Variants in PRKDC observed in about 807,000 individuals in gnomAD.
PRKDC encodes protein kinase, DNA-activated, catalytic subunit.
A neutral mutation model predicts 486.9 loss-of-function variants in PRKDC; 82 were observed. The observed-to-expected ratio is 0.17, with a 90% CI of 0.14 to 0.20. The LOEUF is 0.20. Ranked by LOEUF, PRKDC falls within the 10% of genes least tolerant of loss-of-function variation. The pLI, the probability that PRKDC is intolerant of heterozygous loss-of-function variation, is 1.00. For missense variants in PRKDC, 4,504 were observed against 5,038.2 expected, an observed-to-expected ratio of 0.89 and a Z score of 3.21; for synonymous variants, 1,895 against 1,837.0, an observed-to-expected ratio of 1.03 and a Z score of -0.81.
chr8:47,879,429 A>C, intron 39 of PRKDC, 62 bp downstream of exon 39: 1 of 1,414,360 alleles, frequency 7.1e-7, no homozygotes, highest in East Asian at 2.6e-5. Context: ...CTTTTCATCA[A>C]GATATGTAAC....
chr8:47,865,280 G>T (rs2088782014), intron 40 of PRKDC, among the ~76,000 whole-genome samples: 1 of 152,062 alleles, frequency 6.6e-6, no homozygotes, highest in Admixed American at 6.5e-5. Flanking sequence ...CAGCTACTCT[G>T]GAGGCTGAGG....
intron 65 of PRKDC, among the ~76,000 whole-genome samples, 164 bp downstream of exon 65, chr8:47,821,440 A>T (rs1465819669): frequency 6.6e-6 from 1 of 152,254 alleles, no homozygotes; most frequent in Non-Finnish European, 1.5e-5. Context: ...TAAAAGTGAT[A>T]AGAGATTTAA....
rs377205091 is a variant in PRKDC, at chr8:47,799,233, C to T, written c.10274G>A (p.Arg3425His). The change falls in exon 72 of 86, where the codon CGC (arginine) becomes CAC (histidine). Residue 3425 changes from arginine to histidine, a missense_variant. Arg to His is a conservative substitution (Grantham distance 29). This residue lies in a region of PRKDC where 706 missense variants were observed against 945.0 expected (regional missense o/e 0.75). Transcript: ENST00000314191. ...ACCTGATGCATTCTCTTCCTCCTTG[C>T]GCAGCTGTTGGTCACAGAAATCTGC... ...TLADFCDQQLRKEEENASVID... is the reference protein window; with the variant it reads ...TLADFCDQQLHKEEENASVID... 11 of 1,613,898 alleles carry T rather than the reference C, an allele frequency of 6.8e-6. No homozygotes were observed. Among genetic ancestry groups the T allele is most frequent in the East Asian group, 4.5e-5 (2 of 44,894 alleles).
At chr8:47,809,758 T>A (rs2087290813) in intron 68 of PRKDC, among the ~76,000 whole-genome samples, 1 of 152,122 alleles carries the variant, frequency 6.6e-6, no homozygotes, top group Admixed American at 6.6e-5. Flanking sequence ...AAAATACAAC[T>A]CCCCAAGAAC....
At chr8:47,814,065 T>C (rs573144352) in intron 68 of PRKDC, among the ~76,000 whole-genome samples, 1 of 152,270 alleles carries the variant, frequency 6.6e-6, no homozygotes, top group South Asian at 2.1e-4. Flanking sequence ...GAATGCAAGA[T>C]TGGCTTCATA....
chr8:47,846,826 T>C (rs987405360), intron 54 of PRKDC, among the ~76,000 whole-genome samples: 6 of 152,170 alleles, frequency 3.9e-5, no homozygotes, highest in Non-Finnish European at 7.4e-5. Flanking sequence ...ACAAAATCAA[T>C]GTACAAAAAT....
Position 47,879,658 on chromosome 8 carries a change from C to T in PRKDC, c.5068G>A (p.Gly1690Ser), listed in dbSNP as rs751911092. Residue 1690 changes from glycine to serine, a missense_variant and splice_region_variant, in exon 39 of 86, where the codon GGC becomes AGC. By Grantham distance (56) the Gly-to-Ser change is moderately conservative (BLOSUM62 0). This residue lies in a region of PRKDC where 1,969 missense variants were observed against 2,068.9 expected (regional missense o/e 0.95). Coordinates refer to ENST00000314191, the MANE Select transcript of PRKDC (RefSeq NM_006904.7). ...AATGGAAGAAGAGTGACAGCTTGGC[C>T]CTGTGGAGCAAGACAGACATAAGAA... ...ADTKLDLHLKGQAVTLLPFFT... is the reference protein window; with the variant it reads ...ADTKLDLHLKSQAVTLLPFFT... The T allele has an allele frequency of 6.4e-7, 1 of 1,559,110 alleles. No individual in the cohort carries two copies.
intron 40 of PRKDC, among the ~76,000 whole-genome samples, chr8:47,876,896 A>G (rs938614723): frequency 3.3e-5 from 5 of 152,202 alleles, no homozygotes; most frequent in East Asian, 1.9e-4. Context: ...AACCATGAGG[A>G]AAATACAATC....
intron 49 of PRKDC, among the ~76,000 whole-genome samples, chr8:47,856,671 G>A (rs1039183948): frequency 6.6e-6 from 1 of 152,192 alleles, no homozygotes; most frequent in African/African-American, 2.4e-5. Context: ...GGTGGGTACT[G>A]CATTTGCCTC....
At chr8:47,952,710 A>G (rs544780223) in intron 7 of PRKDC, among the ~76,000 whole-genome samples, 108 of 152,092 alleles carry the variant, frequency 7.1e-4, no homozygotes, top group Non-Finnish European at 9.7e-4. Flanking sequence ...AGAAAAAAAA[A>G]GAATTAAAAA....
intron 4 of PRKDC, among the ~76,000 whole-genome samples, chr8:47,955,121 T>A (rs1339394238): frequency 6.6e-6 from 1 of 150,572 alleles, no homozygotes; most frequent in African/African-American, 2.5e-5. Flanking sequence ...GCCACTGCAC[T>A]CCAGCCTGAA....
chr8:47,917,751 T>C (rs1196639248), intron 22 of PRKDC, among the ~76,000 whole-genome samples: 2 of 152,198 alleles, frequency 1.3e-5, no homozygotes, highest in Non-Finnish European at 2.9e-5. Context: ...GTTTACCTTT[T>C]ATTATCCACT....
intron 60 of PRKDC, among the ~76,000 whole-genome samples, chr8:47,831,242 C>T (rs2087864579): frequency 6.6e-6 from 1 of 152,224 alleles, no homozygotes; most frequent in Non-Finnish European, 1.5e-5. Flanking sequence ...CGGCACAGCG[C>T]CCCACTTCCA....
Position 47,935,764 on chromosome 8 carries a change from C to T in PRKDC, c.1415G>A (p.Gly472Glu). The T allele has an allele frequency of 6.2e-7, 1 of 1,613,762 alleles. No homozygotes were observed. Among genetic ancestry groups the T allele is most frequent in the Admixed American group, 1.7e-5 (1 of 59,998 alleles). The change falls in exon 13 of 86, where the codon GGG becomes GAG. Residue 472 changes from glycine to glutamate, a missense_variant. This residue lies in a region of PRKDC where 1,969 missense variants were observed against 2,068.9 expected (regional missense o/e 0.95). Coordinates refer to ENST00000314191, the MANE Select transcript of PRKDC (RefSeq NM_006904.7). ...ACTAATGCAATTCCTGAGAACTGGCCCTTTTGCTGCCAAAGCTAGGAACAC... is the reference window on the plus strand; with the variant it reads ...ACTAATGCAATTCCTGAGAACTGGCTCTTTTGCTGCCAAAGCTAGGAACAC... Reference protein sequence around the residue: ...VKVFLALAAKGPVLRNCISTV... With the variant: ...VKVFLALAAKEPVLRNCISTV...
chr8:47,880,929 C>A (rs1442595862), intron 38 of PRKDC, among the ~76,000 whole-genome samples: 1 of 151,812 alleles, frequency 6.6e-6, no homozygotes, highest in Non-Finnish European at 1.5e-5. Flanking sequence ...CACCTGTGAT[C>A]CCAGCTACTT....
chr8:47,860,064 G>A (rs954587390), intron 45 of PRKDC, among the ~76,000 whole-genome samples: 2 of 152,120 alleles, frequency 1.3e-5, no homozygotes, highest in African/African-American at 4.8e-5. Flanking sequence ...TGTACATTTT[G>A]CCCATTAAGT....
chr8:47,896,755 G>A (rs151212855), intron 30 of PRKDC, among the ~76,000 whole-genome samples: 70 of 152,140 alleles, frequency 4.6e-4, no homozygotes, highest in African/African-American at 1.6e-3. Flanking sequence ...AGCCCACAAT[G>A]GGGGAAGGCA....
chr8:47,939,146 C>T (rs531099602), intron 11 of PRKDC, among the ~76,000 whole-genome samples: 1 of 152,152 alleles, frequency 6.6e-6, no homozygotes, highest in Non-Finnish European at 1.5e-5. Context: ...TTTTGAGATA[C>T]CACATGTAAA....
Position 47,900,946 on chromosome 8 carries a change from G to A in PRKDC, c.3270-479C>T, listed in dbSNP as rs148464010. Among the ~76,000 whole-genome samples, 62 of 151,522 alleles carry A rather than the reference G, an allele frequency of 4.1e-4. 1 individual carries two copies. In the East Asian group the frequency reaches 0.011, roughly 26 times the overall value. The stretch of plus-strand genomic sequence containing the variant: ...AAAGATCACTTGAGCCCTGGAGTTC[G>A]AGACCAGCCTGGGCAACAAAGTGAC... On this transcript the variant is annotated intron_variant, in intron 27 of 85. Transcript: ENST00000314191.
Sources: allele counts gnomAD v4.1 joint callset (sites outside exome capture counted in the v4.1 genomes callset), GRCh38; gene constraint gnomAD v4.1.1; regional missense constraint gnomAD v4.1.1; transcripts MANE v1.5; gene names NCBI Gene and HGNC (gene_info 2026-07-23, HGNC 2026-07-21).